LRRTM3: variants seen among roughly 807,000 people sequenced by gnomAD.
LRRTM3 encodes the protein leucine-rich repeat transmembrane neuronal protein 3.
Under a neutral mutation model 44.7 loss-of-function variants are expected in LRRTM3, and 24 were observed. The ratio of observed to expected loss-of-function variants is 0.54; its 90% CI spans 0.39 to 0.76. The LOEUF is 0.76. Ranked by LOEUF, LRRTM3 falls within the 30% of genes least tolerant of loss-of-function variation. The pLI, the probability that LRRTM3 is intolerant of heterozygous loss-of-function variation, is 0.00. For synonymous variants in LRRTM3, 277 were observed against 278.7 expected (o/e 0.99, Z 0.06); for missense variants, 587 against 702.2 (o/e 0.84, Z 1.85).
intron 2 of LRRTM3, among the ~76,000 whole-genome samples, chr10:67,004,124 TG>T (rs1851836609): frequency 6.6e-6 from 1 of 151,970 alleles, no homozygotes; most frequent in Admixed American, 6.6e-5. Context: ...GATCTGGCTG[TG>T]GAGCCATGGC....
intron 2 of LRRTM3, among the ~76,000 whole-genome samples, chr10:67,014,373 A>G (rs528597585): frequency 9.8e-5 from 15 of 152,316 alleles, no homozygotes; most frequent in African/African-American, 3.6e-4. Context: ...TAACTACTGT[A>G]TACTTCCTAA....
Position 66,935,178 on chromosome 10 carries a change from A to G in LRRTM3, c.1536+6726A>G, listed in dbSNP as rs371264946. Among the ~76,000 whole-genome samples, 46 of 152,282 alleles carry G rather than the reference A, an allele frequency of 3.0e-4. No individual in the cohort carries two copies. The South Asian group carries it at 9.1e-3, about 30-fold the overall frequency. Reference sequence around the variant, plus strand: ...TCCCTCATTAATATTTGATGCAGTCAACCAGAATCTCACAAGAGCTTTAAA... The same window carrying G: ...TCCCTCATTAATATTTGATGCAGTCGACCAGAATCTCACAAGAGCTTTAAA... On this transcript the variant is annotated intron_variant, in intron 2 of 2. Coordinates refer to ENST00000361320, the MANE Select transcript of LRRTM3 (RefSeq NM_178011.5).
intron 2 of LRRTM3, among the ~76,000 whole-genome samples, chr10:66,989,477 A>AGT (rs1441748296): frequency 6.6e-6 from 1 of 152,176 alleles, no homozygotes; most frequent in Non-Finnish European, 1.5e-5. Flanking sequence ...GAATAAAATG[A>AGT]GTGCTGCAGA....
At chr10:66,943,128 T>G (rs1416997968) in intron 2 of LRRTM3, among the ~76,000 whole-genome samples, 3 of 152,220 alleles carry the variant, frequency 2.0e-5, no homozygotes, top group Non-Finnish European at 4.4e-5. Context: ...GAGACAAATT[T>G]GATACATGTC....
At chr10:66,955,036 T>C (rs531782364) in intron 2 of LRRTM3, among the ~76,000 whole-genome samples, 1 of 152,280 alleles carries the variant, frequency 6.6e-6, no homozygotes, top group South Asian at 2.1e-4. Flanking sequence ...ATATATAGCA[T>C]TATCAAAGTC....
At position 67,092,238 on chromosome 10, in the gene LRRTM3, C is replaced by T. The variant is rs536368472; in HGVS notation, c.1537-5349C>T. ...AGAAAACTTACTAGATAACATTCAGCCTTACAAAAATGGGAAGATTTCCCC... is the reference window on the plus strand; with the variant it reads ...AGAAAACTTACTAGATAACATTCAGTCTTACAAAAATGGGAAGATTTCCCC... On this transcript the variant is annotated intron_variant, in intron 2 of 2. Coordinates refer to ENST00000361320, the MANE Select transcript of LRRTM3 (RefSeq NM_178011.5). 4.6e-5 allele frequency among the ~76,000 whole-genome samples: 7 copies of T among 151,950 alleles called. No individual in the cohort carries two copies. In the East Asian group the frequency reaches 1.4e-3, roughly 30 times the overall value.
intron 2 of LRRTM3, among the ~76,000 whole-genome samples, chr10:66,983,555 T>A (rs1033055410): frequency 6.6e-6 from 1 of 151,864 alleles, no homozygotes; most frequent in African/African-American, 2.4e-5. Context: ...CATGGTAACA[T>A]CTAAACTGGA....
Position 67,069,243 on chromosome 10 carries a change from T to A in LRRTM3, c.1537-28344T>A, listed in dbSNP as rs528933961. Among the ~76,000 whole-genome samples the A allele has an allele frequency of 1.1e-4, 16 of 152,012 alleles. No individual in the cohort carries two copies. The South Asian group carries it at 2.9e-3, about 28-fold the overall frequency. ...TGAATGATCAAAGTATACCCTTTTT[T>A]AAAAAAATTAGAGAATCTCAGAATT... On this transcript the variant is annotated intron_variant, in intron 2 of 2. Coordinates refer to ENST00000361320, the MANE Select transcript of LRRTM3 (RefSeq NM_178011.5).
At chr10:67,037,261 T>A (rs1335716089) in intron 2 of LRRTM3, among the ~76,000 whole-genome samples, 2 of 152,084 alleles carry the variant, frequency 1.3e-5, no homozygotes, top group African/African-American at 4.8e-5. Context: ...ACTTTAGAGA[T>A]ATTTAATCAT....
chr10:66,937,176 T>C (rs1847755027), intron 2 of LRRTM3, among the ~76,000 whole-genome samples: 1 of 152,126 alleles, frequency 6.6e-6, no homozygotes, highest in African/African-American at 2.4e-5. Flanking sequence ...CAGAAAGAAC[T>C]TGGACTATGG....
intron 2 of LRRTM3, among the ~76,000 whole-genome samples, chr10:67,042,524 T>C (rs1233342421): frequency 6.6e-6 from 1 of 151,640 alleles, no homozygotes; most frequent in East Asian, 1.9e-4. Context: ...AGACATAGAG[T>C]GTGGCAGTGG....
chr10:67,036,841 G>A (rs1854092768), intron 2 of LRRTM3, among the ~76,000 whole-genome samples: 1 of 152,010 alleles, frequency 6.6e-6, no homozygotes. Flanking sequence ...GAATATTAAA[G>A]TAGGATAAAA....
At chr10:67,032,792 A>C (rs1564843826) in intron 2 of LRRTM3, among the ~76,000 whole-genome samples, 1 of 152,178 alleles carries the variant, frequency 6.6e-6, no homozygotes, top group African/African-American at 2.4e-5. Context: ...ATGTGTTCTC[A>C]GTTCAATTAG....
chr10:67,097,694 T>G lies in LRRTM3; in HGVS notation c.1644T>G (p.Asn548Lys). The G allele has an allele frequency of 1.2e-6, 2 of 1,612,634 alleles. No homozygotes were observed. Among genetic ancestry groups the G allele is most frequent in the Non-Finnish European group, 1.7e-6 (2 of 1,179,038 alleles). ...ELLSHKSFET[N>K]AQEDTMETHL... The stretch of plus-strand genomic sequence containing the variant: ...TCTCCCATAAGTCCTTTGAAACGAA[T>G]GCACAGGAAGATACGATGGAAACAC... Residue 548 changes from asparagine to lysine, a missense_variant, in exon 3 of 3, where the codon AAT becomes AAG. This residue lies in a region of LRRTM3 where 315 missense variants were observed against 335.6 expected (regional missense o/e 0.94). Transcript: ENST00000361320.
intron 2 of LRRTM3, among the ~76,000 whole-genome samples, chr10:67,089,886 T>A (rs1338982945): frequency 1.3e-5 from 2 of 152,052 alleles, no homozygotes; most frequent in African/African-American, 4.8e-5. Context: ...GTCTTCATCA[T>A]GTTTGTTCTC....
intron 2 of LRRTM3, among the ~76,000 whole-genome samples, chr10:67,006,211 G>A (rs1330577486): frequency 6.6e-6 from 1 of 152,078 alleles, no homozygotes; most frequent in African/African-American, 2.4e-5. Context: ...GGAAGTGGCA[G>A]AGTCAGGATT....
chr10:66,934,330 C>T (rs1589446688), intron 2 of LRRTM3, among the ~76,000 whole-genome samples: 1 of 152,102 alleles, frequency 6.6e-6, no homozygotes, highest in Non-Finnish European at 1.5e-5. Flanking sequence ...CTTTCTCTCA[C>T]TCTTAAATTG....
In LRRTM3 at chr10:67,098,547, G is replaced by T. The variant is rs1858150399; in HGVS notation, c.*751G>T. 1.3e-5 allele frequency: 2 copies of T among 152,212 alleles called. No individual in the cohort carries two copies. Among genetic ancestry groups the T allele is most frequent in the Admixed American group, 1.3e-4 (2 of 15,172 alleles). The allele number at this position is 152,212 out of a possible 1,614,324, so 9.4% of individuals were successfully genotyped here. A position where few individuals can be genotyped will look rare whatever the true frequency, so the allele number is the denominator to read the frequency against. ...CAGCCTAGTTTCTAAGCAGTGAAAT[G>T]TAATGATAAAGAGGGATATTTTAAC... On this transcript the variant is annotated 3_prime_UTR_variant, in exon 3 of 3. Coordinates refer to ENST00000361320, the MANE Select transcript of LRRTM3 (RefSeq NM_178011.5).
In LRRTM3 at chr10:67,036,884, GA is replaced by G. The variant is rs887552232; in HGVS notation, c.1537-60695del. ...ATATAAAACATTGGATAAAAATTGT[GA>G]AAAAAAATAATAATGCATAAAAGAG... is the stretch of plus-strand genomic sequence containing the variant. On this transcript the variant is annotated intron_variant, in intron 2 of 2. Coordinates refer to ENST00000361320, the MANE Select transcript of LRRTM3 (RefSeq NM_178011.5). Among the ~76,000 whole-genome samples the G allele has an allele frequency of 7.3e-5, 11 of 151,558 alleles. No individual in the cohort carries two copies. In the South Asian group the frequency reaches 8.3e-4, roughly 11 times the overall value.
Sources: allele counts gnomAD v4.1 joint callset (sites outside exome capture counted in the v4.1 genomes callset), GRCh38; gene constraint gnomAD v4.1.1; regional missense constraint gnomAD v4.1.1; transcripts MANE v1.5; gene names NCBI Gene and HGNC (gene_info 2026-07-23, HGNC 2026-07-21).